The following BPIFA2 variants were observed in gnomAD, a reference collection of about 807,000 sequenced individuals.
The protein encoded by BPIFA2 is BPI fold containing family A member 2.
Under a neutral mutation model 25.7 loss-of-function variants are expected in BPIFA2, and 20 were observed. The ratio of observed to expected loss-of-function variants is 0.78; its 90% CI spans 0.55 to 1.13. The LOEUF (loss-of-function observed/expected upper bound fraction) is 1.13. Among genes scored for constraint, BPIFA2 ranks in the 50% most tolerant of loss-of-function variants. BPIFA2 has a pLI of 0.00. For synonymous variants in BPIFA2, 126 were observed against 124.3 expected (o/e 1.01, Z -0.09); for missense variants, 300 against 298.1 (o/e 1.01, Z -0.05).
chr20:33,167,365 C>CAAAAACA (rs1232504103), upstream of BPIFA2, among the ~76,000 whole-genome samples: 1 of 152,154 alleles, frequency 6.6e-6, no homozygotes, highest in African/African-American at 2.4e-5. Flanking sequence ...GTGGCCGAAG[C>CAAAAACA]AAAAACAGGA....
chr20:33,180,722 C>A, intron 8 of BPIFA2, 125 bp downstream of exon 8: 1 of 723,640 alleles, frequency 1.4e-6, no homozygotes, highest in South Asian at 1.8e-5. Flanking sequence ...TGAGCCCTGG[C>A]CCCCATCCCA....
chr20:33,167,213 A>C (rs568826913), upstream of BPIFA2, among the ~76,000 whole-genome samples: 1 of 152,196 alleles, frequency 6.6e-6, no homozygotes, highest in East Asian at 1.9e-4. Flanking sequence ...GGTGAGCAGA[A>C]GGGCAGAGAC....
chr20:33,168,977 C>T (rs932836864), intron 1 of BPIFA2, among the ~76,000 whole-genome samples, 154 bp from the exon 2 acceptor site: 1 of 152,196 alleles, frequency 6.6e-6, no homozygotes, highest in African/African-American at 2.4e-5. Flanking sequence ...GGGCAAGTTG[C>T]TGTAGCTTTC....
chr20:33,169,031 A>G (rs1193132666), intron 1 of BPIFA2, 100 bp from the exon 2 acceptor site: 42 of 1,112,700 alleles, frequency 3.8e-5, no homozygotes, highest in Non-Finnish European at 5.1e-5. Flanking sequence ...AACCACATCT[A>G]TCTTAATGGA....
At chr20:33,180,401 C>T (rs1420528083) in intron 7 of BPIFA2, 119 bp from the exon 8 acceptor site, 3 of 1,083,554 alleles carry the variant, frequency 2.8e-6, no homozygotes, top group African/African-American at 1.5e-5. Context: ...GGTGGAGCAA[C>T]ATCCCTGGGG....
intron 5 of BPIFA2, among the ~76,000 whole-genome samples, chr20:33,176,167 A>T (rs907808134): frequency 6.6e-6 from 1 of 152,198 alleles, no homozygotes; most frequent in East Asian, 1.9e-4. Context: ...ATTGTCCCCA[A>T]ATCATCCTCC....
chr20:33,173,489 TTTA>T (rs1419186968), intron 3 of BPIFA2, among the ~76,000 whole-genome samples: 2 of 151,960 alleles, frequency 1.3e-5, no homozygotes, highest in Non-Finnish European at 2.9e-5. Context: ...CTCACATACT[TTTA>T]TTATTATTAT....
intron 5 of BPIFA2, 143 bp from the exon 6 acceptor site, chr20:33,178,004 G>T: frequency 5.2e-6 from 3 of 571,918 alleles, no homozygotes; most frequent in Non-Finnish European, 9.3e-6. Context: ...CATGTGGATG[G>T]GAGGCTCTGT....
chr20:33,169,431 T>C, intron 2 of BPIFA2, 129 bp downstream of exon 2: 2 of 812,830 alleles, frequency 2.5e-6, no homozygotes, highest in East Asian at 5.3e-5. Flanking sequence ...GCTATTCAAT[T>C]CCTGACTCAT....
chr20:33,177,630 G>C (rs1568609920), intron 5 of BPIFA2, among the ~76,000 whole-genome samples: 1 of 152,208 alleles, frequency 6.6e-6, no homozygotes, highest in Non-Finnish European at 1.5e-5. Flanking sequence ...GAGTCCTGCA[G>C]AAAGCATTAC....
intron 5 of BPIFA2, among the ~76,000 whole-genome samples, chr20:33,176,277 G>A (rs1318811370): frequency 1.3e-5 from 2 of 152,220 alleles, no homozygotes; most frequent in Non-Finnish European, 2.9e-5. Flanking sequence ...CTTAAGCTCT[G>A]TGCCTGAAAG....
Position 33,174,087 on chromosome 20 carries a change from T to A in BPIFA2, c.311T>A (p.Ile104Asn). ...PTNTDIFGLKISNSLILDVKA... is the reference protein window; with the variant it reads ...PTNTDIFGLKNSNSLILDVKA... ...TTGTGGGTTTCACACAGGTTGAAAA[T>A]CAGCAACTCCCTCATCCTGGATGTC... Residue 104 changes from isoleucine to asparagine, a missense_variant, in exon 4 of 9, where the codon ATC becomes AAC. By Grantham distance (149) the Ile-to-Asn change is moderately radical (BLOSUM62 -3). Transcript: ENST00000354932. 5 of 1,613,942 alleles carry A rather than the reference T, an allele frequency of 3.1e-6. No homozygotes were observed. Among genetic ancestry groups the A allele is most frequent in the Non-Finnish European group, 4.2e-6 (5 of 1,179,922 alleles).
Position 33,174,063 on chromosome 20 carries a change from T to G in BPIFA2, c.303-16T>G. 6.2e-7 allele frequency: 1 copy of G among 1,607,720 alleles called. No individual in the cohort carries two copies. Among genetic ancestry groups the G allele is most frequent in the Non-Finnish European group, 8.5e-7 (1 of 1,174,178 alleles). On this transcript the variant is annotated splice_polypyrimidine_tract_variant and intron_variant, in intron 3 of 8. Coordinates refer to ENST00000354932, the MANE Select transcript of BPIFA2 (RefSeq NM_080574.4). The stretch of plus-strand genomic sequence containing the variant: ...GTCATGAGGAGTGACAAGGGTGAAT[T>G]GTGGGTTTCACACAGGTTGAAAATC...
At chr20:33,167,682 C>CGCTGTG (rs11471648), upstream of BPIFA2, among the ~76,000 whole-genome samples, 152,114 of 152,296 alleles carry the variant, frequency 1, 75,968 homozygotes, top group East Asian at 1. Context: ...GGGGGCAGGA[C>CGCTGTG]CCCTGGGAGG....
intron 2 of BPIFA2, 36 bp from the exon 3 acceptor site, chr20:33,172,896 T>C: frequency 4.4e-6 from 7 of 1,603,532 alleles, no homozygotes; most frequent in Non-Finnish European, 6.0e-6. Flanking sequence ...ACTTCGTAAG[T>C]GGTGCGTGAC....
intron 5 of BPIFA2, among the ~76,000 whole-genome samples, 182 bp downstream of exon 5, chr20:33,175,741 C>T (rs1023865810): frequency 6.6e-6 from 1 of 152,060 alleles, no homozygotes; most frequent in African/African-American, 2.4e-5. Flanking sequence ...CCAACTTGAC[C>T]CAGGCCTGTT....
chr20:33,174,216 G>A (rs762039054), intron 4 of BPIFA2, 30 bp downstream of exon 4: 23 of 1,604,708 alleles, frequency 1.4e-5, no homozygotes, highest in Non-Finnish European at 2.0e-5. Flanking sequence ...TGAGATTTGG[G>A]AAAGGCAGTG....
rs758307953 is a variant in BPIFA2 at position 33,179,666 on chromosome 20, C to T, written c.708C>T (p.Val236=). The T allele has an allele frequency of 6.8e-6, 11 of 1,609,484 alleles. No individual in the cohort carries two copies. Among genetic ancestry groups the T allele is most frequent in the South Asian group, 4.4e-5 (4 of 90,990 alleles). Residue 236 remains valine (V), a splice_region_variant and synonymous_variant, in exon 7 of 9, where the codon GTC becomes GTT. Transcript: ENST00000354932. ...ATGTGAATGTCATTCAGCAGGTCGT[C>T]GGTAAGTCAATGGGGAAGTGGGGAC... ...SLDVNVIQQV[V]DNPQHKTQLQ...
At chr20:33,164,857 G>A (rs182428657), upstream of BPIFA2, among the ~76,000 whole-genome samples, 1 of 152,222 alleles carries the variant, frequency 6.6e-6, no homozygotes, top group African/African-American at 2.4e-5. Context: ...ATTTTCTCTG[G>A]GAGTGTTGGA....
Sources: allele counts gnomAD v4.1 joint callset (sites outside exome capture counted in the v4.1 genomes callset), GRCh38; gene constraint gnomAD v4.1.1; transcripts MANE v1.5; gene names NCBI Gene and HGNC (gene_info 2026-07-23, HGNC 2026-07-21).